EPN1: variants seen among roughly 807,000 people sequenced by gnomAD.
The protein encoded by EPN1 is epsin 1.
A neutral mutation model predicts 56.9 loss-of-function variants in EPN1; 25 were observed. That is an observed-to-expected ratio of 0.44 (90% CI 0.32 to 0.61). EPN1 has a LOEUF of 0.61. Ranked by LOEUF, EPN1 falls within the 20% of genes least tolerant of loss-of-function variation. The pLI is 0.05. For missense variants in EPN1, 785 were observed against 823.7 expected (o/e 0.95, Z 0.58); for synonymous variants, 411 against 361.8 (o/e 1.14, Z -1.54).
At position 55,685,583 on chromosome 19, in the gene EPN1, G is replaced by T. The variant is rs373028104; in HGVS notation, c.416G>T (p.Arg139Leu). 1.9e-6 allele frequency: 3 copies of T among 1,608,696 alleles called. No individual in the cohort carries two copies. The African/African-American group carries it at 4.0e-5, about 21-fold the overall frequency. The change falls in exon 3 of 11, where the codon CGG (arginine) becomes CTG (leucine). Residue 139 changes from arginine to leucine, a missense_variant. Coordinates refer to ENST00000270460, the MANE Select transcript of EPN1 (RefSeq NM_001130072.2). ...GTGGCCCTGCTGCGCGACGAGGACCGGCTGCGGGAAGAGCGGGCGCACGCG... is the reference window on the plus strand; with the variant it reads ...GTGGCCCTGCTGCGCGACGAGGACCTGCTGCGGGAAGAGCGGGCGCACGCG... ...QLVALLRDED[R>L]LREERAHALK...
chr19:55,678,777 T>C lies in EPN1; in HGVS notation c.150T>C (p.Val50=), dbSNP rs750345488. The C allele has an allele frequency of 5.0e-6, 8 of 1,614,096 alleles. No homozygotes were observed. In the East Asian group the frequency reaches 1.6e-4, roughly 31 times the overall value. Residue 50 remains valine (V), a synonymous_variant, in exon 2 of 11, where the codon GTT becomes GTC. Transcript: ENST00000270460. Reference sequence around the variant, plus strand: ...AGATTGCCGACCTCACCTACAACGTTGTCGCCTTCTCGGAGATCATGAGCA... The same window carrying C: ...AGATTGCCGACCTCACCTACAACGTCGTCGCCTTCTCGGAGATCATGAGCA... ...MSEIADLTYN[V]VAFSEIMSMI...
In EPN1 at chr19:55,688,850, G is replaced by T; in HGVS notation, c.479-20G>T. The T allele has an allele frequency of 6.4e-7, 1 of 1,570,204 alleles. No homozygotes were observed. The highest frequency in any genetic ancestry group is 8.6e-7 in the Non-Finnish European group (1 of 1,158,166). Reference sequence around the variant, plus strand: ...TCGTTCCCTGGTCTGGGTCTCACGCGTTTCTCACCCGCCCTCCAGCCTCAT... The same window carrying T: ...TCGTTCCCTGGTCTGGGTCTCACGCTTTTCTCACCCGCCCTCCAGCCTCAT... On this transcript the variant is annotated intron_variant, in intron 3 of 10. Transcript: ENST00000270460.
Position 55,695,577 on chromosome 19 carries a change from T to G in EPN1, c.*221T>G. On this transcript the variant is annotated 3_prime_UTR_variant, in exon 11 of 11. Transcript: ENST00000270460. This position sits in a 1 kb window ranked among gnomAD's most constrained non-coding sequence, Gnocchi z 4.4. ...GGGAGCTGGCCAGAGGAGGACCCCT[T>G]TCCCGTGGCATTAGAAGGGGGAGGG... The G allele has an allele frequency of 5.7e-6, 3 of 527,130 alleles. No individual in the cohort carries two copies. Among genetic ancestry groups the G allele is most frequent in the Non-Finnish European group, 1.0e-5 (3 of 297,644 alleles). 32.7% of individuals were successfully genotyped at this position (527,130 alleles called of 1,614,324 possible).
Position 55,677,641 on chromosome 19 carries a change from G to A in EPN1, c.-101-886G>A, listed in dbSNP as rs546451407. The A allele has an allele frequency of 2.6e-6, 4 of 1,551,660 alleles. No homozygotes were observed. The highest frequency in any genetic ancestry group is 2.0e-5 in the Admixed American group (1 of 50,992). On this transcript the variant is annotated intron_variant, in intron 1 of 10. Coordinates refer to ENST00000270460, the MANE Select transcript of EPN1 (RefSeq NM_001130072.2). The stretch of plus-strand genomic sequence containing the variant: ...ACACAGCAGGGACCCAGGCAGTGGG[G>A]CTGTTAGGTTCCTTATCTCTCCTGA...
chr19:55,705,337 A>C lies in EPN1; in HGVS notation c.*9981A>C, dbSNP rs901178306. 6.6e-6 allele frequency: 1 copy of C among 152,212 alleles called. No homozygotes were observed. Among genetic ancestry groups the C allele is most frequent in the Non-Finnish European group, 1.5e-5 (1 of 68,044 alleles). 9.4% of individuals were successfully genotyped at this position (152,212 alleles called of 1,614,324 possible). A position where few individuals can be genotyped will look rare whatever the true frequency, so the allele number is the denominator to read the frequency against. ...AAACCAATGAAAAAAACCTCTCAGAACGATACAGAATCCAGAGCCACTACA... is the reference window on the plus strand; with the variant it reads ...AAACCAATGAAAAAAACCTCTCAGACCGATACAGAATCCAGAGCCACTACA... On this transcript the variant is annotated 3_prime_UTR_variant, in exon 11 of 11. Transcript: ENST00000270460.
intron 3 of EPN1, 36 bp from the exon 4 acceptor site, chr19:55,688,834 G>A: frequency 6.4e-7 from 1 of 1,563,280 alleles, no homozygotes; most frequent in Non-Finnish European, 8.7e-7. Flanking sequence ...CTCGTTCCCT[G>A]GTCTGGGTCT....
Position 55,689,405 on chromosome 19 carries a change from G to C in EPN1, c.678+34G>C, listed in dbSNP as rs940808732. The C allele has an allele frequency of 3.3e-6, 5 of 1,523,184 alleles. No individual in the cohort carries two copies. Among genetic ancestry groups the C allele is most frequent in the Admixed American group, 2.0e-5 (1 of 50,956 alleles). The allele number at this position is 1,523,184 out of a possible 1,614,324, so 94.4% of individuals were successfully genotyped here. Reference sequence around the variant, plus strand: ...AGCCTCCCTGTCCCTGCCCCTGCCAGGGGCTCCCCTCAGACCAGCCCCGTC... The same window carrying C: ...AGCCTCCCTGTCCCTGCCCCTGCCACGGGCTCCCCTCAGACCAGCCCCGTC... On this transcript the variant is annotated intron_variant, in intron 5 of 10. Coordinates refer to ENST00000270460, the MANE Select transcript of EPN1 (RefSeq NM_001130072.2). This position sits in a 1 kb window ranked among gnomAD's most constrained non-coding sequence, Gnocchi z 5.7.
At chr19:55,690,212 C>G (rs1422310913) in intron 6 of EPN1, among the ~76,000 whole-genome samples, 2 of 152,246 alleles carry the variant, frequency 1.3e-5, no homozygotes, top group Non-Finnish European at 2.9e-5. Flanking sequence ...GTGAGGGCCA[C>G]CACCGGCCGC....
At chr19:55,677,407 T>C in intron 1 of EPN1, 2 of 657,456 alleles carry the variant, frequency 3.0e-6, no homozygotes, top group Non-Finnish European at 5.4e-6. Context: ...TTGACTCTCT[T>C]GTTTCTCGTC....
chr19:55,681,897 C>G lies in EPN1; in HGVS notation c.228+3042C>G, dbSNP rs138041342. 2.0e-5 allele frequency among the ~76,000 whole-genome samples: 3 copies of G among 152,110 alleles called. No individual in the cohort carries two copies. The East Asian group carries it at 5.8e-4, about 29-fold the overall frequency. On this transcript the variant is annotated intron_variant, in intron 2 of 10. Coordinates refer to ENST00000270460, the MANE Select transcript of EPN1 (RefSeq NM_001130072.2). ...GTCATAGCTCACTGAGCCTTGACCT[C>G]CTGGGCTCCAAGCATGGTTGAGGAA...
At position 55,695,678 on chromosome 19, in the gene EPN1, CCTCACGCACCCG is replaced by C. The variant is rs985022824; in HGVS notation, c.*334_*345del. 21 of 365,724 alleles carry C rather than the reference CCTCACGCACCCG, an allele frequency of 5.7e-5. No homozygotes were observed. Among genetic ancestry groups the C allele is most frequent in the East Asian group, 3.3e-4 (7 of 21,094 alleles). The allele number at this position is 365,724 out of a possible 1,614,324, so 22.7% of individuals were successfully genotyped here. ...GTCAGTGTTTGAGCCTCCTCGTTCC[CCTCACGCACCCG>C]CTCACGCACCCTCGGTGAATCCTTG... On this transcript the variant is annotated 3_prime_UTR_variant, in exon 11 of 11. Transcript: ENST00000270460. The surrounding 1 kb of genome is among the most constrained non-coding windows in gnomAD (Gnocchi z 4.4).
At position 55,699,005 on chromosome 19, in the gene EPN1, A is replaced by T. The variant is rs1214358914; in HGVS notation, c.*3649A>T. 1 of 152,104 alleles carries T rather than the reference A, an allele frequency of 6.6e-6. No individual in the cohort carries two copies. Among genetic ancestry groups the T allele is most frequent in the African/African-American group, 2.4e-5 (1 of 41,396 alleles). 9.4% of individuals were successfully genotyped at this position (152,104 alleles called of 1,614,324 possible). ...GTGATCCGCCTGCCTCGGCCTCCCA[A>T]AGTGCTGGGATTACAGGCGTGAGCC... On this transcript the variant is annotated 3_prime_UTR_variant, in exon 11 of 11. Transcript: ENST00000270460.
At chr19:55,686,181 A>G (rs1344658437) in intron 3 of EPN1, among the ~76,000 whole-genome samples, 2 of 152,170 alleles carry the variant, frequency 1.3e-5, no homozygotes, top group African/African-American at 2.4e-5. Context: ...AGCACCGAAA[A>G]CAAAACTTGA....
chr19:55,691,874 C>G lies in EPN1; in HGVS notation c.883C>G (p.Pro295Ala). The G allele has an allele frequency of 6.2e-7, 1 of 1,603,182 alleles. No individual in the cohort carries two copies. The highest frequency in any genetic ancestry group is 8.5e-7 in the Non-Finnish European group (1 of 1,174,392). ...AVPTAAPTSD[P>A]WGGPPVPPAA... ...CCCCACGGCTGCCCCCACCTCGGAC[C>G]CCTGGGGCGGCCCCCCTGTCCCTCC... is the stretch of plus-strand genomic sequence containing the variant. Residue 295 changes from proline (P) to alanine (A), a missense_variant, in exon 7 of 11, where the codon CCC becomes GCC. Pro to Ala is a conservative substitution (Grantham distance 27). This residue lies in a region of EPN1 where 650 missense variants were observed against 605.0 expected (regional missense o/e 1.07). Coordinates refer to ENST00000270460, the MANE Select transcript of EPN1 (RefSeq NM_001130072.2). The surrounding 1 kb of genome is among the most constrained non-coding windows in gnomAD (Gnocchi z 5.6).
chr19:55,678,945 C>A (rs949429173), intron 2 of EPN1, 90 bp downstream of exon 2: 1 of 871,216 alleles, frequency 1.1e-6, no homozygotes. Context: ...GGGATGGCAT[C>A]CCGGTTCTCA....
chr19:55,689,923 C>T lies in EPN1; in HGVS notation c.735C>T (p.Ser245=), dbSNP rs779943680. ...DLRLQMAIEE[S]KRETGGKEES... ...GGCTGCAGATGGCAATCGAGGAGAG[C>T]AAGAGGGAGACTGGGGGCAAGGAGG... The change falls in exon 6 of 11, where the codon AGC becomes AGT. Residue 245 remains serine (S), a synonymous_variant. Coordinates refer to ENST00000270460, the MANE Select transcript of EPN1 (RefSeq NM_001130072.2). This position sits in a 1 kb window ranked among gnomAD's most constrained non-coding sequence, Gnocchi z 5.7. 2 of 1,604,724 alleles carry T rather than the reference C, an allele frequency of 1.2e-6. No individual in the cohort carries two copies. The highest frequency in any genetic ancestry group is 1.7e-6 in the Non-Finnish European group (2 of 1,176,162).
intron 1 of EPN1, chr19:55,677,487 CT>C (rs754342627): frequency 9.8e-5 from 93 of 948,824 alleles, no homozygotes; most frequent in Middle Eastern, 2.2e-4. Flanking sequence ...TCAGGTGGGC[CT>C]CGGGTTGAGT....
intron 2 of EPN1, among the ~76,000 whole-genome samples, chr19:55,679,987 C>G (rs886938532): frequency 4.6e-5 from 7 of 152,118 alleles, no homozygotes; most frequent in African/African-American, 1.7e-4. Context: ...GCACATCCTT[C>G]CTGGTCAGTG....
At chr19:55,687,077 T>C (rs1986220271) in intron 3 of EPN1, among the ~76,000 whole-genome samples, 1 of 152,230 alleles carries the variant, frequency 6.6e-6, no homozygotes, top group African/African-American at 2.4e-5. Context: ...TTGAATTTTA[T>C]GTAGTTTTCA....
Sources: gnomAD v4.1 joint callset for allele counts (sites outside exome capture counted in the v4.1 genomes callset) on GRCh38, gnomAD v4.1.1 for gene constraint, gnomAD v4.1.1 regional missense constraint, Gnocchi (gnomAD v3.1) non-coding constraint, MANE v1.5 for transcripts, NCBI Gene and HGNC (gene_info 2026-07-23, HGNC 2026-07-21) for gene names.